The following TAGLN2 variants were observed in gnomAD, a reference collection of about 807,000 sequenced individuals.
TAGLN2 encodes transgelin-2.
Under a neutral mutation model 24.9 loss-of-function variants are expected in TAGLN2, and 14 were observed. The observed-to-expected ratio is 0.56, with a 90% confidence interval of 0.37 to 0.88. The LOEUF is 0.88. TAGLN2 is among the 40% of genes least tolerant of loss of function. The probability of loss-of-function intolerance (pLI) is 0.00; values close to 1 mark genes in which losing one functional copy is unlikely to be tolerated. For missense variants in TAGLN2, 208 were observed against 258.9 expected (o/e 0.80, Z 1.35); for synonymous variants, 77 against 98.2 (o/e 0.78, Z 1.28).
intron 1 of TAGLN2, among the ~76,000 whole-genome samples, chr1:159,922,786 C>A (rs1650575650): frequency 6.6e-6 from 1 of 152,218 alleles, no homozygotes; most frequent in South Asian, 2.1e-4. Context: ...AGGCCTGAAG[C>A]CAGACACTTC....
intron 4 of TAGLN2, 66 bp downstream of exon 4, chr1:159,919,208 C>T (rs1040887434): frequency 1.7e-5 from 26 of 1,502,688 alleles, no homozygotes; most frequent in Non-Finnish European, 2.3e-5. Flanking sequence ...AAGTTATTTC[C>T]TAGGGACAGG....
chr1:159,923,697 T>TTTTTTAATG, intron 1 of TAGLN2: 1 of 458,794 alleles, frequency 2.2e-6, no homozygotes, highest in Non-Finnish European at 3.9e-6. Context: ...GGAACCACCG[T>TTTTTTAATG]AGGGCAGCCC....
rs2101865362 is a variant in TAGLN2, at chr1:159,919,785, T to G, written c.231A>C (p.Val77=). The change falls in exon 3 of 5, where the codon GTA becomes GTC. Residue 77 remains valine, a synonymous_variant. Coordinates refer to ENST00000368097, the MANE Select transcript of TAGLN2 (RefSeq NM_003564.3). ...NALYPEGQAP[V]KKIQASTMAF... is the part of the protein sequence containing the mutation. ...CCATGGTGGAGGCCTGGATCTTCTT[T>G]ACTGGGGCCTGCCCCTCGGGGTACA... 1.2e-6 allele frequency: 2 copies of G among 1,614,092 alleles called. No homozygotes were observed. Among genetic ancestry groups the G allele is most frequent in the Middle Eastern group, 1.7e-4 (1 of 6,058 alleles).
chr1:159,922,623 G>A (rs774649397), intron 1 of TAGLN2, among the ~76,000 whole-genome samples: 3 of 152,178 alleles, frequency 2.0e-5, no homozygotes, highest in Non-Finnish European at 2.9e-5. Context: ...CCCCCTTTCC[G>A]CAGCCCAGTT....
chr1:159,921,716 C>T (rs893008354), intron 1 of TAGLN2, among the ~76,000 whole-genome samples: 2 of 152,220 alleles, frequency 1.3e-5, no homozygotes, highest in Non-Finnish European at 2.9e-5. Context: ...TCTTTAACTT[C>T]GTTGGAGGAG....
intron 1 of TAGLN2, among the ~76,000 whole-genome samples, chr1:159,922,126 C>A (rs1379764731): frequency 1.3e-5 from 2 of 152,164 alleles, no homozygotes; most frequent in Non-Finnish European, 2.9e-5. Flanking sequence ...TTAAACAATC[C>A]CGTCACCCCC....
At position 159,923,385 on chromosome 1, in the gene TAGLN2, G is replaced by A. The variant is rs900230860; in HGVS notation, c.-29+2065C>T. On this transcript the variant is annotated intron_variant, in intron 1 of 4. Coordinates refer to ENST00000368097, the MANE Select transcript of TAGLN2 (RefSeq NM_003564.3). ...AGTTACAATAGGCGGGAAACGGGGA[G>A]GGGCCACGCAAGGCACTCGGCCCCA... 3.9e-6 allele frequency: 6 copies of A among 1,541,064 alleles called. No individual in the cohort carries two copies. In the African/African-American group the frequency reaches 8.3e-5, roughly 21 times the overall value.
intron 1 of TAGLN2, chr1:159,923,398 G>A (rs1650597771): frequency 1.9e-6 from 3 of 1,546,798 alleles, no homozygotes; most frequent in Admixed American, 2.0e-5. Context: ...GCCACGCAAG[G>A]CACTCGGCCC....
At chr1:159,922,759 G>A (rs920504224) in intron 1 of TAGLN2, among the ~76,000 whole-genome samples, 2 of 152,196 alleles carry the variant, frequency 1.3e-5, no homozygotes, top group African/African-American at 2.4e-5. Flanking sequence ...AGACACTGGG[G>A]TTAAGAGCAG....
At chr1:159,923,589 A>G (rs2101868714) in intron 1 of TAGLN2, 1 of 1,113,580 alleles carries the variant, frequency 9.0e-7, no homozygotes, top group Non-Finnish European at 1.3e-6. Context: ...CAGATTTGGG[A>G]CAGGGAGTGT....
Position 159,918,306 on chromosome 1 carries a change from T to C in TAGLN2, c.*494A>G, listed in dbSNP as rs1650408870. 6.5e-6 allele frequency: 1 copy of C among 154,324 alleles called. No individual in the cohort carries two copies. The highest frequency in any genetic ancestry group is 2.4e-5 in the African/African-American group (1 of 41,458). 9.6% of individuals were successfully genotyped at this position (154,324 alleles called of 1,614,324 possible). On this transcript the variant is annotated 3_prime_UTR_variant, in exon 5 of 5. Transcript: ENST00000368097. ...GTGTGGTGAGCACAGTCAGTGCAGC[T>C]GTGGCTGGGGCAGCAGCTGCCACAG... is the stretch of plus-strand genomic sequence containing the variant.
Position 159,919,827 on chromosome 1 carries a change from A to C in TAGLN2, c.189T>G (p.Cys63Trp), listed in dbSNP as rs1330682001. ...CGGGGTACAGTGCATTAATGAGCTC[A>C]CATAGCACCTGGATGAGGACAGCAG... ...QNWLKDGTVL[C>W]ELINALYPEG... The change falls in exon 3 of 5, where the codon TGT (cysteine) becomes TGG (tryptophan). Residue 63 changes from cysteine (C) to tryptophan (W), a missense_variant. Cys to Trp is a radical substitution (Grantham distance 215, BLOSUM62 -2). Transcript: ENST00000368097. The C allele has an allele frequency of 6.2e-7, 1 of 1,613,888 alleles. No homozygotes were observed. Among genetic ancestry groups the C allele is most frequent in the Non-Finnish European group, 8.5e-7 (1 of 1,179,822 alleles).
rs117992632 is a variant in TAGLN2, at chr1:159,920,373, T to A, written c.137A>T (p.Gln46Leu). Residue 46 changes from glutamine to leucine, a missense_variant, in exon 2 of 5, where the codon CAG becomes CTG. Gln to Leu is a moderately radical substitution (Grantham distance 113, BLOSUM62 -2). Transcript: ENST00000368097. ...TQCRKDVGRP[Q>L]PGRENFQNWL... is the part of the protein sequence containing the mutation. ...GTTCTGGAAGTTCTCGCGTCCAGGC[T>A]GGGGCCGGCCCACATCCTTTCGGCA... 0.025 allele frequency: 40,990 copies of A among 1,614,218 alleles called. 832 individuals carry two copies. The highest frequency in any genetic ancestry group is 0.08 in the South Asian group (7,316 of 91,076).
chr1:159,922,371 C>G (rs764667710), intron 1 of TAGLN2, among the ~76,000 whole-genome samples: 1 of 152,172 alleles, frequency 6.6e-6, no homozygotes, highest in Non-Finnish European at 1.5e-5. Context: ...TCCCCCAGCC[C>G]GAAAGCTGGG....
intron 4 of TAGLN2, 68 bp from the exon 5 acceptor site, chr1:159,919,009 G>A: frequency 6.3e-7 from 1 of 1,593,968 alleles, no homozygotes; most frequent in Non-Finnish European, 8.6e-7. Context: ...TCCTTGGACA[G>A]AGCACAGGCT....
At chr1:159,919,203 A>T in intron 4 of TAGLN2, 71 bp downstream of exon 4, 1 of 1,482,012 alleles carries the variant, frequency 6.7e-7, no homozygotes, top group Admixed American at 1.7e-5. Flanking sequence ...GAGATAAGTT[A>T]TTTCCTAGGG....
At chr1:159,919,000 C>A in intron 4 of TAGLN2, 59 bp from the exon 5 acceptor site, 2 of 1,603,356 alleles carry the variant, frequency 1.2e-6, no homozygotes, top group Non-Finnish European at 1.7e-6. Context: ...TAAATCCCTT[C>A]CTTGGACAGA....
chr1:159,918,484 G>T lies in TAGLN2; in HGVS notation c.*316C>A. The T allele has an allele frequency of 3.4e-6, 1 of 291,354 alleles. No individual in the cohort carries two copies. The highest frequency in any genetic ancestry group is 6.5e-6 in the Non-Finnish European group (1 of 153,480). The allele number at this position is 291,354 out of a possible 1,614,324, so 18.0% of individuals were successfully genotyped here. A position where few individuals can be genotyped will look rare whatever the true frequency, so the allele number is the denominator to read the frequency against. On this transcript the variant is annotated 3_prime_UTR_variant, in exon 5 of 5. Coordinates refer to ENST00000368097, the MANE Select transcript of TAGLN2 (RefSeq NM_003564.3). Reference sequence around the variant, plus strand: ...GACACAGAGCTCAGAGACAGAACAGGCCAGGGGGAAGAAGGAGAGACAGAA... The same window carrying T: ...GACACAGAGCTCAGAGACAGAACAGTCCAGGGGGAAGAAGGAGAGACAGAA...
At chr1:159,923,798 G>A (rs1650613824) in intron 1 of TAGLN2, 2 of 312,674 alleles carry the variant, frequency 6.4e-6, no homozygotes, top group Admixed American at 4.9e-5. Context: ...GATGAGGTGG[G>A]GGCCGTTGCC....
Sources: gnomAD v4.1 joint callset for allele counts (sites outside exome capture counted in the v4.1 genomes callset) on GRCh38, gnomAD v4.1.1 for gene constraint, MANE v1.5 for transcripts, NCBI Gene and HGNC (gene_info 2026-07-23, HGNC 2026-07-21) for gene names.